CCN4: variants seen among roughly 807,000 people sequenced by gnomAD.
CCN4 encodes the protein cellular communication network factor 4, also known as CCN family member 4.
A neutral mutation model predicts 36.7 loss-of-function variants in CCN4; 30 were observed. That is an observed-to-expected ratio of 0.82 (90% CI 0.61 to 1.11). CCN4 has a LOEUF of 1.11. Ranked by LOEUF, CCN4 falls within the 50% of genes least tolerant of loss-of-function variation. CCN4 has a pLI of 0.00. For synonymous variants in CCN4, 191 were observed against 195.4 expected, an observed-to-expected ratio of 0.98 and a Z score of 0.19; for missense variants, 505 against 504.9, an observed-to-expected ratio of 1.00 and a Z score of 0.00.
At chr8:133,216,297 T>A (rs533202679) in intron 2 of CCN4, among the ~76,000 whole-genome samples, 1 of 152,172 alleles carries the variant, frequency 6.6e-6, no homozygotes, top group Non-Finnish European at 1.5e-5. Flanking sequence ...AAGATTTGCA[T>A]GTAATTAGAC....
chr8:133,221,296 G>C (rs756993613), intron 3 of CCN4, among the ~76,000 whole-genome samples: 38 of 152,342 alleles, frequency 2.5e-4, no homozygotes, highest in Non-Finnish European at 4.0e-4. Context: ...ATAAGAGGAA[G>C]CCCTGGAAAA....
Position 133,227,483 on chromosome 8 carries a change from A to G in CCN4, c.877A>G (p.Thr293Ala). 1 of 1,614,238 alleles carries G rather than the reference A, an allele frequency of 6.2e-7. No individual in the cohort carries two copies. Among genetic ancestry groups the G allele is most frequent in the Non-Finnish European group, 8.5e-7 (1 of 1,180,050 alleles). Residue 293 changes from threonine to alanine, a missense_variant, in exon 5 of 5, where the codon ACA becomes GCA. By Grantham distance (58) the Thr-to-Ala change is moderately conservative. Coordinates refer to ENST00000250160, the MANE Select transcript of CCN4 (RefSeq NM_003882.4). Reference sequence around the variant, plus strand: ...CTTCACACTTGCGGGCTGCATCAGCACACGCTCCTATCAACCCAAGTACTG... The same window carrying G: ...CTTCACACTTGCGGGCTGCATCAGCGCACGCTCCTATCAACCCAAGTACTG... ...MNFTLAGCIS[T>A]RSYQPKYCGV...
At chr8:133,213,219 A>C in intron 2 of CCN4, 76 bp downstream of exon 2, 1 of 1,512,348 alleles carries the variant, frequency 6.6e-7, no homozygotes, top group Non-Finnish European at 9.0e-7. Context: ...CTCCCTTGGC[A>C]CCCCCACAGC....
At chr8:133,203,369 G>A (rs1011827600) in intron 1 of CCN4, among the ~76,000 whole-genome samples, 4 of 152,176 alleles carry the variant, frequency 2.6e-5, no homozygotes, top group Admixed American at 2.0e-4. Context: ...GTGTGTGATG[G>A]GCGGGTGGAG....
chr8:133,222,321 C>A (rs1301626156), intron 3 of CCN4, among the ~76,000 whole-genome samples: 5 of 152,158 alleles, frequency 3.3e-5, no homozygotes, highest in Non-Finnish European at 7.4e-5. Context: ...CAGAGGCTGA[C>A]TCCCAGGGCT....
rs1479482861 is a variant in CCN4 at position 133,229,031 on chromosome 8, C to A, written c.*1321C>A. On this transcript the variant is annotated 3_prime_UTR_variant, in exon 5 of 5. Transcript: ENST00000250160. ...AAATATAATATTTACTGTTAGAATT[C>A]TTTTATTTAGGGCCTTTTCTGTGCC... 4 of 152,126 alleles carry A rather than the reference C, an allele frequency of 2.6e-5. No homozygotes were observed. Among genetic ancestry groups the A allele is most frequent in the Non-Finnish European group, 5.9e-5 (4 of 68,022 alleles). 9.4% of individuals were successfully genotyped at this position (152,126 alleles called of 1,614,324 possible). A position where few individuals can be genotyped will look rare whatever the true frequency, so the allele number is the denominator to read the frequency against.
At position 133,212,182 on chromosome 8, in the gene CCN4, C is replaced by A. The variant is rs571465205; in HGVS notation, c.70-682C>A. 3.9e-5 allele frequency among the ~76,000 whole-genome samples: 6 copies of A among 152,156 alleles called. No individual in the cohort carries two copies. The South Asian group carries it at 1.2e-3, about 32-fold the overall frequency. Reference sequence around the variant, plus strand: ...TGGGTGGGGGGTCTCATTGCCCTGACAGCAAAATAAAAGGGCTCCTCCATG... The same window carrying A: ...TGGGTGGGGGGTCTCATTGCCCTGAAAGCAAAATAAAAGGGCTCCTCCATG... On this transcript the variant is annotated intron_variant, in intron 1 of 4. Transcript: ENST00000250160.
intron 1 of CCN4, among the ~76,000 whole-genome samples, chr8:133,200,351 C>T (rs1853543396): frequency 1.3e-5 from 2 of 152,178 alleles, no homozygotes; most frequent in Non-Finnish European, 2.9e-5. Context: ...GACTGGAAGA[C>T]GATCCCCACT....
intron 1 of CCN4, among the ~76,000 whole-genome samples, chr8:133,210,634 C>G (rs531999308): frequency 2.0e-5 from 3 of 152,228 alleles, no homozygotes; most frequent in Non-Finnish European, 4.4e-5. Context: ...TTTTTTTGGC[C>G]ATTCTGGTGT....
intron 1 of CCN4, among the ~76,000 whole-genome samples, chr8:133,204,917 A>G (rs1418231593): frequency 6.6e-6 from 1 of 152,222 alleles, no homozygotes; most frequent in Non-Finnish European, 1.5e-5. Flanking sequence ...GGCATTCAGA[A>G]CCACCTGGAA....
intron 1 of CCN4, among the ~76,000 whole-genome samples, chr8:133,201,411 A>C (rs1853583312): frequency 6.6e-6 from 1 of 152,230 alleles, no homozygotes; most frequent in Non-Finnish European, 1.5e-5. Flanking sequence ...GAAAGTTACA[A>C]AATTGTAACT....
chr8:133,202,975 C>G (rs762766194), intron 1 of CCN4, among the ~76,000 whole-genome samples: 22 of 152,260 alleles, frequency 1.4e-4, no homozygotes, highest in Non-Finnish European at 3.1e-4. Context: ...CTCTTTTCAG[C>G]AAAGCAGTGA....
chr8:133,201,490 A>G (rs1337321127), intron 1 of CCN4, among the ~76,000 whole-genome samples: 2 of 152,204 alleles, frequency 1.3e-5, no homozygotes, highest in Admixed American at 6.5e-5. Flanking sequence ...TTAGAGACAC[A>G]CTGGAGAATT....
At chr8:133,215,531 T>C (rs1207989057) in intron 2 of CCN4, among the ~76,000 whole-genome samples, 3 of 152,174 alleles carry the variant, frequency 2.0e-5, no homozygotes, top group Non-Finnish European at 4.4e-5. Flanking sequence ...CATTTATAGA[T>C]GTTCTGTCAT....
At chr8:133,206,747 T>A (rs1362172475) in intron 1 of CCN4, among the ~76,000 whole-genome samples, 1 of 152,136 alleles carries the variant, frequency 6.6e-6, no homozygotes, top group Non-Finnish European at 1.5e-5. Flanking sequence ...TGCCAGTGGA[T>A]GGGCACAAGG....
rs1229168621 is a variant in CCN4, at chr8:133,216,458, A to G, written c.349+3315A>G. ...GCCCAGCCACTCTGGCCAAGCAGAA[A>G]AAAGCTAGGTCTTGTTCAGCATGCT... is the stretch of plus-strand genomic sequence containing the variant. On this transcript the variant is annotated intron_variant, in intron 2 of 4. Coordinates refer to ENST00000250160, the MANE Select transcript of CCN4 (RefSeq NM_003882.4). Among the ~76,000 whole-genome samples the G allele has an allele frequency of 2.0e-5, 3 of 152,306 alleles. No individual in the cohort carries two copies. The East Asian group carries it at 5.8e-4, about 29-fold the overall frequency.
At chr8:133,210,101 T>A (rs1326125074) in intron 1 of CCN4, among the ~76,000 whole-genome samples, 1 of 152,174 alleles carries the variant, frequency 6.6e-6, no homozygotes, top group African/African-American at 2.4e-5. Context: ...ATCCATCCAT[T>A]TCACCAGTCA....
At chr8:133,225,223 C>T (rs893915753) in intron 3 of CCN4, among the ~76,000 whole-genome samples, 167 bp from the exon 4 acceptor site, 1 of 152,184 alleles carries the variant, frequency 6.6e-6, no homozygotes, top group African/African-American at 2.4e-5. Flanking sequence ...CCTCCACTCC[C>T]TGGGTACCTT....
At chr8:133,214,197 C>T (rs1460024077) in intron 2 of CCN4, among the ~76,000 whole-genome samples, 2 of 146,062 alleles carry the variant, frequency 1.4e-5, no homozygotes, top group African/African-American at 5.0e-5. Flanking sequence ...ATGTGTTCTG[C>T]TATATATTAA....
Sources: allele counts gnomAD v4.1 joint callset (sites outside exome capture counted in the v4.1 genomes callset), GRCh38; gene constraint gnomAD v4.1.1; transcripts MANE v1.5; gene names NCBI Gene and HGNC (gene_info 2026-07-23, HGNC 2026-07-21).